The following CARD6 variants were observed in gnomAD, a reference collection of about 807,000 sequenced individuals.
The protein encoded by CARD6 is caspase recruitment domain family member 6, also known as caspase recruitment domain-containing protein 6.
CARD6 carries 27 observed loss-of-function variants against 23.6 expected under a neutral mutation model. The ratio of observed to expected loss-of-function variants is 1.14; its 90% CI spans 0.84 to 1.58. CARD6 has a LOEUF of 1.58. Ranked by LOEUF, CARD6 falls within the 40% of genes most tolerant of loss-of-function variation. CARD6 has a pLI of 0.00. For synonymous variants in CARD6, 397 were observed against 431.8 expected, an observed-to-expected ratio of 0.92 and a Z score of 1.00; for missense variants, 1,214 against 1,209.9, an observed-to-expected ratio of 1.00 and a Z score of -0.05.
Position 40,853,211 on chromosome 5 carries a change from G to A in CARD6, c.1879G>A (p.Ala627Thr). 6.2e-7 allele frequency: 1 copy of A among 1,614,220 alleles called. No individual in the cohort carries two copies. Among genetic ancestry groups the A allele is most frequent in the South Asian group, 1.1e-5 (1 of 91,090 alleles). The change falls in exon 3 of 3, where the codon GCT (alanine) becomes ACT (threonine). Residue 627 changes from alanine (A) to threonine (T), a missense_variant. By Grantham distance (58) the Ala-to-Thr change is moderately conservative. Transcript: ENST00000254691. ...AAGGAAGAACATGGAGGGCCTTCAA[G>A]CTGCCCTCCAGGAAGTGATGTTCTC... Reference protein sequence around the residue: ...DRRKNMEGLQAALQEVMFSSC... With the variant: ...DRRKNMEGLQTALQEVMFSSC...
In CARD6 at chr5:40,853,196, A is replaced by G. The variant is rs761434224; in HGVS notation, c.1864A>G (p.Met622Val). The stretch of plus-strand genomic sequence containing the variant: ...AGATGCTGGGGATAGAAGGAAGAAC[A>G]TGGAGGGCCTTCAAGCTGCCCTCCA... Reference protein sequence around the residue: ...RGDAGDRRKNMEGLQAALQEV... With the variant: ...RGDAGDRRKNVEGLQAALQEV... The change falls in exon 3 of 3, where the codon ATG (methionine) becomes GTG (valine). Residue 622 changes from methionine to valine, a missense_variant. Transcript: ENST00000254691. 9 of 1,614,164 alleles carry G rather than the reference A, an allele frequency of 5.6e-6. No individual in the cohort carries two copies. The highest frequency in any genetic ancestry group is 1.6e-4 in the Middle Eastern group (1 of 6,062).
At chr5:40,841,726 A>C (rs1745865726) in intron 1 of CARD6, 61 bp downstream of exon 1, 2 of 1,336,948 alleles carry the variant, frequency 1.5e-6, no homozygotes, top group East Asian at 2.5e-5. Context: ...CTGAAAAAGA[A>C]AACAAAATGA....
In CARD6 at chr5:40,853,124, A is replaced by G; in HGVS notation, c.1792A>G (p.Arg598Gly). Residue 598 changes from arginine (R) to glycine (G), a missense_variant, in exon 3 of 3, where the codon AGG (arginine) becomes GGG (glycine). Arg to Gly is a moderately radical substitution (Grantham distance 125, BLOSUM62 -2). Transcript: ENST00000254691. ...RESEEAQIFQRILNLKPAQLL... is the reference protein window; with the variant it reads ...RESEEAQIFQGILNLKPAQLL... Reference sequence around the variant, plus strand: ...GAGTGAAGAGGCTCAAATTTTTCAGAGGATACTGAACTTGAAGCCAGCACA... The same window carrying G: ...GAGTGAAGAGGCTCAAATTTTTCAGGGGATACTGAACTTGAAGCCAGCACA... The G allele has an allele frequency of 3.7e-6, 6 of 1,614,116 alleles. No individual in the cohort carries two copies. Among genetic ancestry groups the G allele is most frequent in the Non-Finnish European group, 5.1e-6 (6 of 1,180,016 alleles).
At chr5:40,842,438 A>C (rs1579799468) in intron 1 of CARD6, among the ~76,000 whole-genome samples, 1 of 152,236 alleles carries the variant, frequency 6.6e-6, no homozygotes. Context: ...TCTAAAGCAC[A>C]CTATTCCAAA....
At chr5:40,844,053 T>C (rs1745925214) in intron 2 of CARD6, among the ~76,000 whole-genome samples, 1 of 152,206 alleles carries the variant, frequency 6.6e-6, no homozygotes, top group Non-Finnish European at 1.5e-5. Flanking sequence ...TTTCTCAGGT[T>C]AAACCACTTT....
At position 40,852,951 on chromosome 5, in the gene CARD6, G is replaced by A. The variant is rs774859694; in HGVS notation, c.1619G>A (p.Trp540Ter). 9 of 1,613,984 alleles carry A rather than the reference G, an allele frequency of 5.6e-6. No individual in the cohort carries two copies. Among genetic ancestry groups the A allele is most frequent in the Admixed American group, 1.7e-5 (1 of 59,992 alleles). ...ANLRGNLESF[W>*]TQFGFLMEVS... ...CTCCGTGGAAATCTAGAAAGCTTTT[G>A]GACTCAGTTTGGTTTTTTGATGGAA... The change falls in exon 3 of 3, where the codon TGG (tryptophan) becomes TAG (stop). Residue 540 changes from tryptophan (W) to a stop codon, truncating the protein, a stop_gained. Coordinates refer to ENST00000254691, the MANE Select transcript of CARD6 (RefSeq NM_032587.4). LOFTEE classifies it low-confidence loss of function (END_TRUNC).
At chr5:40,842,020 T>C (rs994219979) in intron 1 of CARD6, among the ~76,000 whole-genome samples, 1 of 152,240 alleles carries the variant, frequency 6.6e-6, no homozygotes, top group African/African-American at 2.4e-5. Context: ...GTAGATGAAT[T>C]CGTGGATATT....
Position 40,841,442 on chromosome 5 carries a change from A to C in CARD6, c.60A>C (p.Glu20Asp), listed in dbSNP as rs1745856482. The C allele has an allele frequency of 3.1e-6, 5 of 1,613,272 alleles. No individual in the cohort carries two copies. Among genetic ancestry groups the C allele is most frequent in the Non-Finnish European group, 4.2e-6 (5 of 1,179,724 alleles). ...AAAGAGAAAGAAAAAAGTTGCTTGA[A>C]ATCCTTCAACATGATCCTGATTCTA... ...IIERERKKLL[E>D]ILQHDPDSIL... Residue 20 changes from glutamate to aspartate, a missense_variant, in exon 1 of 3, where the codon GAA becomes GAC. By Grantham distance (45) the Glu-to-Asp change is conservative. Coordinates refer to ENST00000254691, the MANE Select transcript of CARD6 (RefSeq NM_032587.4).
chr5:40,850,023 C>A (rs545552279), intron 2 of CARD6, among the ~76,000 whole-genome samples: 1 of 151,476 alleles, frequency 6.6e-6, no homozygotes, highest in South Asian at 2.1e-4. Context: ...AATGGGAGAT[C>A]AGGAAAAATT....
At chr5:40,845,384 A>G (rs1165684441) in intron 2 of CARD6, among the ~76,000 whole-genome samples, 1 of 152,150 alleles carries the variant, frequency 6.6e-6, no homozygotes, top group African/African-American at 2.4e-5. Flanking sequence ...TATTAAAACT[A>G]ATTACATCTG....
intron 1 of CARD6, 45 bp from the exon 2 acceptor site, chr5:40,843,107 C>T (rs772985381): frequency 7.5e-7 from 1 of 1,337,672 alleles, no homozygotes; most frequent in South Asian, 1.4e-5. Context: ...AGCTGTTATA[C>T]AGCTTCTTTT....
intron 2 of CARD6, among the ~76,000 whole-genome samples, chr5:40,851,623 C>T (rs1440728378): frequency 2.6e-5 from 4 of 151,518 alleles, no homozygotes; most frequent in Admixed American, 1.3e-4. Flanking sequence ...CAAGACCAGC[C>T]TAGCCAACAT....
intron 2 of CARD6, among the ~76,000 whole-genome samples, chr5:40,844,868 CTTTTT>C (rs761641223): frequency 3.0e-5 from 4 of 134,506 alleles, no homozygotes; most frequent in Non-Finnish European, 4.8e-5. Flanking sequence ...TTGCTTCCTT[CTTTTT>C]TTTTTTTTTT....
At chr5:40,843,961 T>C (rs971806562) in intron 2 of CARD6, among the ~76,000 whole-genome samples, 4 of 152,230 alleles carry the variant, frequency 2.6e-5, no homozygotes, top group Non-Finnish European at 5.9e-5. Context: ...TAAATTTCTG[T>C]AGTTCGTATA....
chr5:40,848,324 TC>T (rs766780725), intron 2 of CARD6, among the ~76,000 whole-genome samples: 9 of 151,022 alleles, frequency 6.0e-5, no homozygotes, highest in Non-Finnish European at 1.3e-4. Context: ...CAAGCCATCC[TC>T]CCACCTCGGC....
intron 2 of CARD6, among the ~76,000 whole-genome samples, chr5:40,844,834 C>T (rs1745938786): frequency 6.6e-6 from 1 of 150,544 alleles, no homozygotes; most frequent in South Asian, 2.1e-4. Context: ...AATCTGAAAT[C>T]AAAGTATCAA....
rs779557903 is a variant in CARD6 at position 40,854,403 on chromosome 5, C to A, written c.3071C>A (p.Ala1024Glu). Residue 1024 changes from alanine (A) to glutamate (E), a missense_variant, in exon 3 of 3, where the codon GCA becomes GAA. By Grantham distance (107) the Ala-to-Glu change is moderately radical. Coordinates refer to ENST00000254691, the MANE Select transcript of CARD6 (RefSeq NM_032587.4). ...TCAACCAATCCTTCACAAGCTAAGG[C>A]ACACCACTCAAAAGCAGGGCAGAAG... The part of the protein sequence containing the change: ...SSSTNPSQAK[A>E]HHSKAGQKRG... 9.3e-6 allele frequency: 15 copies of A among 1,614,170 alleles called. No homozygotes were observed. The East Asian group carries it at 3.3e-4, about 36-fold the overall frequency.
rs1223237601 is a variant in CARD6, at chr5:40,854,380, A to G, written c.3048A>G (p.Ser1016=). Reference sequence around the variant, plus strand: ...GACCCCCTCAACCTAAGTCATCCTCAACCAATCCTTCACAAGCTAAGGCAC... The same window carrying G: ...GACCCCCTCAACCTAAGTCATCCTCGACCAATCCTTCACAAGCTAAGGCAC... ...QPRPPQPKSS[S]TNPSQAKAHH... The change falls in exon 3 of 3, where the codon TCA becomes TCG. Residue 1016 remains serine, a synonymous_variant. Coordinates refer to ENST00000254691, the MANE Select transcript of CARD6 (RefSeq NM_032587.4). 6.2e-7 allele frequency: 1 copy of G among 1,613,988 alleles called. No individual in the cohort carries two copies. Among genetic ancestry groups the G allele is most frequent in the Non-Finnish European group, 8.5e-7 (1 of 1,180,014 alleles).
In CARD6 at chr5:40,853,827, G is replaced by A; in HGVS notation, c.2495G>A (p.Arg832Lys). The A allele has an allele frequency of 1.2e-6, 2 of 1,614,194 alleles. No homozygotes were observed. ...CAGCATGTACAGGCCTGCCCTGAGAGACCACAAATGATGGGAACTCTTGAA... is the reference window on the plus strand; with the variant it reads ...CAGCATGTACAGGCCTGCCCTGAGAAACCACAAATGATGGGAACTCTTGAA... ...ICQHVQACPE[R>K]PQMMGTLERS... The change falls in exon 3 of 3, where the codon AGA becomes AAA. Residue 832 changes from arginine (R) to lysine (K), a missense_variant. Transcript: ENST00000254691.
Sources: allele counts gnomAD v4.1 joint callset (sites outside exome capture counted in the v4.1 genomes callset), GRCh38; gene constraint gnomAD v4.1.1; transcripts MANE v1.5; gene names NCBI Gene and HGNC (gene_info 2026-07-23, HGNC 2026-07-21).